The following ADGRV1 variants were observed in gnomAD, a reference collection of about 807,000 sequenced individuals.
The protein encoded by ADGRV1 is G-protein coupled receptor 98.
A neutral mutation model predicts 596.2 loss-of-function variants in ADGRV1; 359 were observed. The observed-to-expected ratio is 0.60, with a 90% CI of 0.55 to 0.66. The LOEUF is 0.66. Ranked by LOEUF, ADGRV1 falls within the 30% of genes least tolerant of loss-of-function variation. The probability of loss-of-function intolerance (pLI) is 0.00; values close to 1 mark genes in which losing one functional copy is unlikely to be tolerated. For synonymous variants in ADGRV1, 2,681 were observed against 2,679.2 expected (o/e 1.00, Z -0.02); for missense variants, 7,274 against 7,575.6 (o/e 0.96, Z 1.48).
At position 90,753,767 on chromosome 5, in the gene ADGRV1, C is replaced by A. The variant is rs370612194; in HGVS notation, c.11315C>A (p.Ser3772Ter). 4 of 1,613,102 alleles carry A rather than the reference C, an allele frequency of 2.5e-6. No homozygotes were observed. In the African/African-American group the frequency reaches 5.3e-5, roughly 22 times the overall value. ...KSVITTLPND[S>*]PFGLVGWRAA... ...GTTATAACAACTTTGCCCAATGACT[C>A]ACCTTTTGGCTTGGTGGGCTGGCGT... Residue 3772 changes from serine (S) to a stop codon, truncating the protein, a stop_gained, in exon 54 of 90, where the codon TCA (serine) becomes TAA (stop). Transcript: ENST00000405460. LOFTEE classifies it high-confidence loss of function.
chr5:90,579,305 G>A (rs187895404), intron 1 of ADGRV1, among the ~76,000 whole-genome samples: 5 of 152,268 alleles, frequency 3.3e-5, no homozygotes, highest in East Asian at 3.9e-4. Flanking sequence ...GGTATGTTGT[G>A]TCTTTGTTCT....
At chr5:90,797,734 A>C (rs1444575530) in intron 70 of ADGRV1, among the ~76,000 whole-genome samples, 1 of 152,200 alleles carries the variant, frequency 6.6e-6, no homozygotes, top group Non-Finnish European at 1.5e-5. Context: ...GAAGTAAAAC[A>C]CACCTCAGCA....
chr5:90,749,520 A>G (rs999273935), intron 52 of ADGRV1, among the ~76,000 whole-genome samples: 1 of 152,214 alleles, frequency 6.6e-6, no homozygotes, highest in South Asian at 2.1e-4. Context: ...AATGCTGTGT[A>G]AAATATTGCT....
intron 75 of ADGRV1, among the ~76,000 whole-genome samples, chr5:90,822,462 G>C (rs978248884): frequency 6.6e-6 from 1 of 152,052 alleles, no homozygotes; most frequent in South Asian, 2.1e-4. Context: ...TATTTCTGAG[G>C]GCTCTGTTCT....
At chr5:91,094,319 C>T (rs1318747389) in intron 86 of ADGRV1, among the ~76,000 whole-genome samples, 1 of 151,820 alleles carries the variant, frequency 6.6e-6, no homozygotes, top group Non-Finnish European at 1.5e-5. Flanking sequence ...ATTAGCTGGG[C>T]GTGGTGGTGG....
At chr5:90,656,858 A>C (rs1363568027) in intron 20 of ADGRV1, among the ~76,000 whole-genome samples, 1 of 152,214 alleles carries the variant, frequency 6.6e-6, no homozygotes, top group African/African-American at 2.4e-5. Flanking sequence ...TAGTGAAAGC[A>C]TGAAAAGGTT....
chr5:90,787,304 C>T (rs1759556443), intron 67 of ADGRV1, among the ~76,000 whole-genome samples: 2 of 152,074 alleles, frequency 1.3e-5, no homozygotes, highest in Admixed American at 6.6e-5. Context: ...TGAAGATTTC[C>T]GTGTCTTTTA....
At chr5:90,897,735 T>G (rs916201975) in intron 83 of ADGRV1, among the ~76,000 whole-genome samples, 2 of 152,196 alleles carry the variant, frequency 1.3e-5, no homozygotes, top group African/African-American at 4.8e-5. Flanking sequence ...CTAGGAGGCC[T>G]TCTTTGGCTT....
rs1767826103 is a variant in ADGRV1 at position 90,863,740 on chromosome 5, CT to C, written c.17756-11del. ...CATGGATTATTAAACCATATGTGGA[CT>C]TTTTTGTTCCTACAGGTCTTTGCTT... On this transcript the variant is annotated splice_polypyrimidine_tract_variant and intron_variant, in intron 82 of 89. Coordinates refer to ENST00000405460, the MANE Select transcript of ADGRV1 (RefSeq NM_032119.4). The C allele has an allele frequency of 6.3e-7, 1 of 1,576,082 alleles. No homozygotes were observed. The highest frequency in any genetic ancestry group is 8.7e-7 in the Non-Finnish European group (1 of 1,145,678).
At chr5:90,577,655 A>T (rs968750892) in intron 1 of ADGRV1, among the ~76,000 whole-genome samples, 5 of 152,238 alleles carry the variant, frequency 3.3e-5, no homozygotes, top group Non-Finnish European at 7.3e-5. Flanking sequence ...TCTGTGAAGA[A>T]AGTCAGTGGT....
intron 60 of ADGRV1, 96 bp from the exon 61 acceptor site, chr5:90,776,357 A>T: frequency 1.8e-6 from 2 of 1,122,024 alleles, no homozygotes; most frequent in Non-Finnish European, 2.6e-6. Flanking sequence ...AGAATGAACT[A>T]GATTCCTGTG....
At chr5:91,057,577 T>G (rs1272590533) in intron 85 of ADGRV1, among the ~76,000 whole-genome samples, 1 of 152,246 alleles carries the variant, frequency 6.6e-6, no homozygotes, top group East Asian at 1.9e-4. Context: ...GTTCCTATTT[T>G]ATTTCACTGC....
intron 50 of ADGRV1, among the ~76,000 whole-genome samples, chr5:90,732,770 T>C (rs568260543): frequency 4.5e-4 from 68 of 152,368 alleles, no homozygotes; most frequent in Admixed American, 1.4e-3. Context: ...TTATCAGTCA[T>C]TTAGCCTCTG....
intron 21 of ADGRV1, among the ~76,000 whole-genome samples, chr5:90,665,536 T>G (rs60879511): frequency 6.6e-6 from 1 of 151,030 alleles, no homozygotes; most frequent in Non-Finnish European, 1.5e-5. Flanking sequence ...AGCGGTCTAT[T>G]TATTTTGTCG....
At chr5:90,928,300 G>C (rs1414212645) in intron 83 of ADGRV1, among the ~76,000 whole-genome samples, 1 of 151,994 alleles carries the variant, frequency 6.6e-6, no homozygotes, top group Non-Finnish European at 1.5e-5. Flanking sequence ...TTTTCACATA[G>C]TCTCATATTT....
rs909152061 is a variant in ADGRV1 at position 90,683,636 on chromosome 5, A to G, written c.5715A>G (p.Ile1905Met). ...TLSPVTLHWN[I>M]DSDPDGDLAF... Reference sequence around the variant, plus strand: ...CTCCAGTGACTTTGCATTGGAACATAGACTCTGATCCTGATGGTGATCTCG... The same window carrying G: ...CTCCAGTGACTTTGCATTGGAACATGGACTCTGATCCTGATGGTGATCTCG... Residue 1905 changes from isoleucine to methionine, a missense_variant, in exon 28 of 90, where the codon ATA becomes ATG. Transcript: ENST00000405460. 6.2e-6 allele frequency: 10 copies of G among 1,611,310 alleles called. No homozygotes were observed. The highest frequency in any genetic ancestry group is 4.0e-5 in the African/African-American group (3 of 75,010).
At chr5:91,140,414 A>T (rs760790331) in intron 87 of ADGRV1, among the ~76,000 whole-genome samples, 23 of 152,226 alleles carry the variant, frequency 1.5e-4, no homozygotes, top group Non-Finnish European at 2.6e-4. Context: ...GACACTGACC[A>T]AAACTATGTT....
intron 59 of ADGRV1, among the ~76,000 whole-genome samples, chr5:90,763,795 G>A (rs1042789390): frequency 1.9e-4 from 29 of 152,116 alleles, no homozygotes; most frequent in African/African-American, 6.3e-4. Context: ...TTCTGTTTCT[G>A]CATTAATTCA....
chr5:90,673,886 A>G (rs919657836), intron 22 of ADGRV1, among the ~76,000 whole-genome samples, 168 bp from the exon 23 acceptor site: 2 of 152,202 alleles, frequency 1.3e-5, no homozygotes, highest in African/African-American at 4.8e-5. Context: ...GTCTATATAC[A>G]CACATATGCA....
Sources: gnomAD v4.1 joint callset for allele counts (sites outside exome capture counted in the v4.1 genomes callset) on GRCh38, gnomAD v4.1.1 for gene constraint, MANE v1.5 for transcripts, NCBI Gene and HGNC (gene_info 2026-07-23, HGNC 2026-07-21) for gene names.